The following DLGAP2 variants were observed in gnomAD, a reference collection of about 807,000 sequenced individuals.
DLGAP2 encodes disks large-associated protein 2.
A neutral mutation model predicts 100.3 loss-of-function variants in DLGAP2; 26 were observed. The observed-to-expected ratio is 0.26, with a 90% CI of 0.19 to 0.36. DLGAP2 has a LOEUF of 0.36. Ranked by LOEUF, DLGAP2 falls within the 10% of genes least tolerant of loss-of-function variation. DLGAP2 has a pLI of 1.00. For missense variants in DLGAP2, 1,858 were observed against 1,453.2 expected (o/e 1.28, Z -4.53); for synonymous variants, 886 against 630.1 (o/e 1.41, Z -6.08).
chr8:1,325,294 C>G (rs530930021), intron 3 of DLGAP2, among the ~76,000 whole-genome samples: 2 of 152,144 alleles, frequency 1.3e-5, no homozygotes, highest in African/African-American at 2.4e-5. Flanking sequence ...CTTTCCTGGA[C>G]CAAGGAAGTT....
intron 14 of DLGAP2, among the ~76,000 whole-genome samples, chr8:1,699,018 A>G (rs1351775509): frequency 6.6e-6 from 1 of 152,272 alleles, no homozygotes; most frequent in African/African-American, 2.4e-5. Flanking sequence ...GGGACTAGAC[A>G]GGTCCGTGTA....
At chr8:893,723 G>A (rs778243094) in intron 1 of DLGAP2, among the ~76,000 whole-genome samples, 9 of 152,246 alleles carry the variant, frequency 5.9e-5, no homozygotes, top group Non-Finnish European at 1.2e-4. Context: ...GTTAACCGTC[G>A]TTCTTTTGGA....
At chr8:1,618,801 G>T (rs1797238561) in intron 6 of DLGAP2, among the ~76,000 whole-genome samples, 1 of 152,102 alleles carries the variant, frequency 6.6e-6, no homozygotes, top group Non-Finnish European at 1.5e-5. Context: ...GGGGCCAGAC[G>T]ATTCTCTCTT....
intron 5 of DLGAP2, chr8:1,565,474 T>C (rs1802359301): frequency 1.9e-6 from 1 of 525,172 alleles, no homozygotes; most frequent in Non-Finnish European, 3.3e-6. Context: ...TCCATAGTGT[T>C]TACCTATCAC....
rs1432027869 is a variant in DLGAP2 at position 803,537 on chromosome 8, C to G, written c.18+65712C>G. ...GGAGATGGCTCCCAGTAGGAGCTGC[C>G]TCTGACGTTACCAGTGAGATGCCCA... is the stretch of plus-strand genomic sequence containing the variant. On this transcript the variant is annotated intron_variant, in intron 1 of 14. Coordinates refer to ENST00000637795, the MANE Select transcript of DLGAP2 (RefSeq NM_001346810.2). 2.6e-5 allele frequency among the ~76,000 whole-genome samples: 4 copies of G among 152,024 alleles called. 1 individual carries two copies.
chr8:1,244,985 G>T (rs1251013882), intron 2 of DLGAP2, among the ~76,000 whole-genome samples: 1 of 152,228 alleles, frequency 6.6e-6, no homozygotes, highest in Non-Finnish European at 1.5e-5. Flanking sequence ...CACAGAAGGT[G>T]TGGAAAGACA....
intron 2 of DLGAP2, among the ~76,000 whole-genome samples, chr8:1,183,328 A>G (rs182876602): frequency 6.6e-6 from 1 of 152,200 alleles, no homozygotes; most frequent in Non-Finnish European, 1.5e-5. Flanking sequence ...AAAACAGCCA[A>G]TTTGTAATTA....
chr8:852,744 G>T (rs1222513872), intron 1 of DLGAP2, among the ~76,000 whole-genome samples: 1 of 152,224 alleles, frequency 6.6e-6, no homozygotes, highest in African/African-American at 2.4e-5. Context: ...CAGCAAGGCT[G>T]AGTGCATTCT....
intron 3 of DLGAP2, among the ~76,000 whole-genome samples, chr8:1,489,630 A>G (rs1235695931): frequency 6.6e-6 from 1 of 152,226 alleles, no homozygotes; most frequent in Non-Finnish European, 1.5e-5. Context: ...GGAAAGCACA[A>G]AAAATTTAAA....
chr8:1,651,647 C>T (rs4552929), intron 8 of DLGAP2, among the ~76,000 whole-genome samples: 30,769 of 152,138 alleles, frequency 0.2, 3,615 homozygotes, highest in South Asian at 0.33. Context: ...TGGCTTAAGC[C>T]CCTAGCTCCG....
chr8:1,647,215 C>T (rs1322816651), intron 8 of DLGAP2, among the ~76,000 whole-genome samples: 3 of 152,088 alleles, frequency 2.0e-5, no homozygotes, highest in East Asian at 3.9e-4. Context: ...TCCATGACCC[C>T]AGGGGAACCC....
intron 1 of DLGAP2, among the ~76,000 whole-genome samples, chr8:899,150 A>G (rs2128997048): frequency 6.6e-6 from 1 of 152,300 alleles, no homozygotes; most frequent in South Asian, 2.1e-4. Flanking sequence ...CTGACGCCGC[A>G]TCTCCAGCCC....
At chr8:1,112,865 A>G (rs1563198586) in intron 2 of DLGAP2, among the ~76,000 whole-genome samples, 1 of 152,154 alleles carries the variant, frequency 6.6e-6, no homozygotes, top group South Asian at 2.1e-4. Context: ...TAATCCATCT[A>G]GAGTTGCTTT....
chr8:1,246,509 G>A (rs1055644195), intron 2 of DLGAP2, among the ~76,000 whole-genome samples: 1 of 152,166 alleles, frequency 6.6e-6, no homozygotes, highest in African/African-American at 2.4e-5. Flanking sequence ...CATTGGATTT[G>A]GGAATTCATC....
At chr8:1,555,651 C>T (rs946379885) in intron 5 of DLGAP2, among the ~76,000 whole-genome samples, 38 of 152,320 alleles carry the variant, frequency 2.5e-4, no homozygotes, top group Admixed American at 9.8e-4. Flanking sequence ...CTGGACTCCT[C>T]CATCACCCCC....
chr8:1,528,956 A>G (rs1275454604), intron 4 of DLGAP2, among the ~76,000 whole-genome samples: 2 of 152,222 alleles, frequency 1.3e-5, no homozygotes, highest in Non-Finnish European at 2.9e-5. Flanking sequence ...ATTGATTCCT[A>G]GCATTTCCTA....
At chr8:1,271,245 C>G (rs1214302288) in intron 3 of DLGAP2, among the ~76,000 whole-genome samples, 3 of 152,152 alleles carry the variant, frequency 2.0e-5, no homozygotes, top group Non-Finnish European at 4.4e-5. Context: ...CCAGCTTTCT[C>G]CACCCAGCAC....
intron 3 of DLGAP2, among the ~76,000 whole-genome samples, chr8:1,331,573 C>T (rs80263143): frequency 0.013 from 1,942 of 152,282 alleles, 56 homozygotes; most frequent in African/African-American, 0.044. Context: ...TCATCCACCT[C>T]GGTGTTTAAT....
chr8:1,324,106 G>T (rs1800968104), intron 3 of DLGAP2, among the ~76,000 whole-genome samples: 1 of 152,168 alleles, frequency 6.6e-6, no homozygotes, highest in Non-Finnish European at 1.5e-5. Flanking sequence ...AGTGAAATAA[G>T]AAGCGTCCAT....
Sources: allele counts gnomAD v4.1 joint callset (sites outside exome capture counted in the v4.1 genomes callset), GRCh38; gene constraint gnomAD v4.1.1; transcripts MANE v1.5; gene names NCBI Gene and HGNC (gene_info 2026-07-23, HGNC 2026-07-21).